WEE1: variants seen among roughly 807,000 people sequenced by gnomAD.
WEE1 encodes the protein WEE1 G2 checkpoint kinase, also known as wee1-like protein kinase.
A neutral mutation model predicts 68.8 loss-of-function variants in WEE1; 16 were observed. That is an observed-to-expected ratio of 0.23 (90% confidence interval 0.16 to 0.35). WEE1 has a LOEUF of 0.35. Ranked by LOEUF, WEE1 falls within the 10% of genes least tolerant of loss-of-function variation. The pLI is 1.00. For synonymous variants in WEE1, 349 were observed against 318.7 expected (o/e 1.09, Z -1.01); for missense variants, 651 against 824.1 (o/e 0.79, Z 2.57).
chr11:9,573,889 G>T lies in WEE1; in HGVS notation c.-45G>T, dbSNP rs1330611206. ...CCAGGCCCGCAGTGTCCTGGACCCC[G>T]CAGGCCTCCGCTCTCCTGTCCTCGG... On this transcript the variant is annotated 5_prime_UTR_variant, in exon 1 of 11. Coordinates refer to ENST00000450114, the MANE Select transcript of WEE1 (RefSeq NM_003390.4). The T allele has an allele frequency of 1.6e-6, 2 of 1,215,160 alleles. No homozygotes were observed. Among genetic ancestry groups the T allele is most frequent in the Non-Finnish European group, 1.0e-6 (1 of 975,506 alleles). The allele number at this position is 1,215,160 out of a possible 1,614,324, so 75.3% of individuals were successfully genotyped here.
chr11:9,574,612 C>T lies in WEE1; in HGVS notation c.576+103C>T, dbSNP rs1415218865. 2.3e-5 allele frequency: 26 copies of T among 1,122,356 alleles called. No homozygotes were observed. Among genetic ancestry groups the T allele is most frequent in the Non-Finnish European group, 2.5e-5 (23 of 918,972 alleles). 69.5% of individuals were successfully genotyped at this position (1,122,356 alleles called of 1,614,324 possible). A position where few individuals can be genotyped will look rare whatever the true frequency, so the allele number is the denominator to read the frequency against. On this transcript the variant is annotated intron_variant, in intron 1 of 10. Transcript: ENST00000450114. This position sits in a 1 kb window ranked among gnomAD's most constrained non-coding sequence, Gnocchi z 4.9. ...TACAGAAGCGGCCGGCCGCTCCCCC[C>T]TCGCTTTCCTGCGCCGCCCCCCAAA...
At chr11:9,583,053 C>T (rs1269983373) in intron 6 of WEE1, among the ~76,000 whole-genome samples, 1 of 152,032 alleles carries the variant, frequency 6.6e-6, no homozygotes, top group Admixed American at 6.6e-5. Flanking sequence ...CAGTGGCTGA[C>T]GCCTGTAATC....
rs1421847458 is a variant in WEE1 at position 9,574,203 on chromosome 11, G to A, written c.270G>A (p.Glu90=). ...CCCCCGGCAGCCCCGGCGAGCTGGA[G>A]GAGGACCTGTTGCTGCCCGGCGCCT... is the stretch of plus-strand genomic sequence containing the variant. ...GPAPGSPGEL[E]EDLLLPGACP... Residue 90 remains glutamate, a synonymous_variant, in exon 1 of 11, where the codon GAG becomes GAA. Transcript: ENST00000450114. The surrounding 1 kb of genome is among the most constrained non-coding windows in gnomAD (Gnocchi z 4.9). The A allele has an allele frequency of 8.5e-7, 1 of 1,179,586 alleles. No individual in the cohort carries two copies. The allele number at this position is 1,179,586 out of a possible 1,614,324, so 73.1% of individuals were successfully genotyped here.
intron 10 of WEE1, among the ~76,000 whole-genome samples, chr11:9,588,187 T>G (rs1245618205): frequency 6.6e-6 from 1 of 152,154 alleles, no homozygotes; most frequent in Non-Finnish European, 1.5e-5. Context: ...GCTCAAATTA[T>G]TTTATAAGAA....
chr11:9,586,415 T>C (rs1301831014), intron 8 of WEE1, 34 bp from the exon 9 acceptor site: 1 of 1,581,860 alleles, frequency 6.3e-7, no homozygotes, highest in Non-Finnish European at 8.6e-7. Context: ...TGACCATGTT[T>C]ACATTCCTTT....
intron 5 of WEE1, chr11:9,578,964 T>C (rs1849594819): frequency 6.6e-6 from 1 of 151,776 alleles, no homozygotes; most frequent in African/African-American, 2.4e-5. Flanking sequence ...TGGAGTGCAG[T>C]GGCGCAATCT....
chr11:9,583,357 G>A (rs1849650207), intron 6 of WEE1, among the ~76,000 whole-genome samples: 1 of 151,834 alleles, frequency 6.6e-6, no homozygotes, highest in African/African-American at 2.4e-5. Context: ...CCTCACGCCT[G>A]TAATCCCAGC....
Position 9,581,689 on chromosome 11 carries a change from C to A in WEE1, c.1288+11C>A. The A allele has an allele frequency of 6.2e-7, 1 of 1,605,626 alleles. No homozygotes were observed. The highest frequency in any genetic ancestry group is 1.1e-5 in the South Asian group (1 of 89,364). ...TGGATATAAAACCTAGTAAGTATTGCAGATCTTCTGACCTGTGTTCTTTGG... is the reference window on the plus strand; with the variant it reads ...TGGATATAAAACCTAGTAAGTATTGAAGATCTTCTGACCTGTGTTCTTTGG... On this transcript the variant is annotated intron_variant, in intron 6 of 10. Transcript: ENST00000450114.
Position 9,586,430 on chromosome 11 carries a change from A to G in WEE1, c.1471-19A>G. 1.9e-6 allele frequency: 3 copies of G among 1,596,936 alleles called. No homozygotes were observed. The highest frequency in any genetic ancestry group is 2.6e-6 in the Non-Finnish European group (3 of 1,171,244). On this transcript the variant is annotated intron_variant, in intron 8 of 10. Transcript: ENST00000450114. Reference sequence around the variant, plus strand: ...TGACCATGTTTACATTCCTTTAAAAAATTGTTTTAATTTTACAGAATTATA... The same window carrying G: ...TGACCATGTTTACATTCCTTTAAAAGATTGTTTTAATTTTACAGAATTATA...
At position 9,576,206 on chromosome 11, in the gene WEE1, A is replaced by T. The variant is rs776787182; in HGVS notation, c.783-24A>T. The T allele has an allele frequency of 4.5e-6, 7 of 1,554,908 alleles. No individual in the cohort carries two copies. In the South Asian group the frequency reaches 8.2e-5, roughly 18 times the overall value. On this transcript the variant is annotated intron_variant, in intron 2 of 10. Transcript: ENST00000450114. The surrounding 1 kb of genome is among the most constrained non-coding windows in gnomAD (Gnocchi z 4.3). ...ATGGATGTATCTGTCAGATATATTGATAGAAAAATAACATTTTTTTTAGTT... is the reference window on the plus strand; with the variant it reads ...ATGGATGTATCTGTCAGATATATTGTTAGAAAAATAACATTTTTTTTAGTT...
At position 9,573,898 on chromosome 11, in the gene WEE1, C is replaced by G; in HGVS notation, c.-36C>G. 1.6e-6 allele frequency: 2 copies of G among 1,228,508 alleles called. No individual in the cohort carries two copies. Among genetic ancestry groups the G allele is most frequent in the Non-Finnish European group, 1.0e-6 (1 of 984,924 alleles). The allele number at this position is 1,228,508 out of a possible 1,614,324, so 76.1% of individuals were successfully genotyped here. A position where few individuals can be genotyped will look rare whatever the true frequency, so the allele number is the denominator to read the frequency against. ...CAGTGTCCTGGACCCCGCAGGCCTC[C>G]GCTCTCCTGTCCTCGGCCCCGTCCC... On this transcript the variant is annotated 5_prime_UTR_variant, in exon 1 of 11. Coordinates refer to ENST00000450114, the MANE Select transcript of WEE1 (RefSeq NM_003390.4).
At position 9,574,249 on chromosome 11, in the gene WEE1, G is replaced by T; in HGVS notation, c.316G>T (p.Gly106Cys). ...CGCCTGCCCGGGCGCGGACGAGGCG[G>T]GCGGTGGGGCGGAGGGCGACTCGTG... ...PGACPGADEAGGGAEGDSWEE... is the reference protein window; with the variant it reads ...PGACPGADEACGGAEGDSWEE... Residue 106 changes from glycine to cysteine, a missense_variant, in exon 1 of 11, where the codon GGC (glycine) becomes TGC (cysteine). Physicochemically the swap from Gly to Cys is radical, Grantham distance 159. This residue lies in a region of WEE1 where 395 missense variants were observed against 378.4 expected (regional missense o/e 1.04). Transcript: ENST00000450114. This position sits in a 1 kb window ranked among gnomAD's most constrained non-coding sequence, Gnocchi z 4.9. 8.3e-7 allele frequency: 1 copy of T among 1,205,750 alleles called. No homozygotes were observed. The highest frequency in any genetic ancestry group is 3.6e-5 in the East Asian group (1 of 28,074). The allele number at this position is 1,205,750 out of a possible 1,614,324, so 74.7% of individuals were successfully genotyped here.
chr11:9,581,319 G>GA (rs1849625553), intron 5 of WEE1: 3 of 492,286 alleles, frequency 6.1e-6, no homozygotes, highest in Middle Eastern at 1.0e-3. Flanking sequence ...ATGATTGAGA[G>GA]AGAGACTTTA....
Position 9,574,540 on chromosome 11 carries a change from C to T in WEE1, c.576+31C>T. ...AGCGGCGGGCGCGGGCACCCGGCGG[C>T]CGGGGCCGCGGCGCCGGAGGGGCCA... On this transcript the variant is annotated intron_variant, in intron 1 of 10. Transcript: ENST00000450114. The surrounding 1 kb of genome is among the most constrained non-coding windows in gnomAD (Gnocchi z 4.9). The T allele has an allele frequency of 6.7e-6, 8 of 1,191,606 alleles. No individual in the cohort carries two copies. The highest frequency in any genetic ancestry group is 8.3e-6 in the Non-Finnish European group (8 of 967,474). The allele number at this position is 1,191,606 out of a possible 1,614,324, so 73.8% of individuals were successfully genotyped here. A position where few individuals can be genotyped will look rare whatever the true frequency, so the allele number is the denominator to read the frequency against.
rs1264237221 is a variant in WEE1, at chr11:9,589,485, T to G, written c.*883T>G. 1.0e-6 allele frequency: 1 copy of G among 985,294 alleles called. No homozygotes were observed. Among genetic ancestry groups the G allele is most frequent in the Admixed American group, 6.1e-5 (1 of 16,272 alleles). The allele number at this position is 985,294 out of a possible 1,614,324, so 61.0% of individuals were successfully genotyped here. A position where few individuals can be genotyped will look rare whatever the true frequency, so the allele number is the denominator to read the frequency against. ...TGTTTTTAAATGTTTTGCCCGGTTT[T>G]TCTCTTCAATATTTGTGTATATAAA... On this transcript the variant is annotated 3_prime_UTR_variant, in exon 11 of 11. Transcript: ENST00000450114.
In WEE1 at chr11:9,573,985, G is replaced by T; in HGVS notation, c.52G>T (p.Ala18Ser). Reference sequence around the variant, plus strand: ...GCCGCCACCCCGCCGCGCCGGGGCGGCCTGCACCTTGCGGCAGAAGCTGAT... The same window carrying T: ...GCCGCCACCCCGCCGCGCCGGGGCGTCCTGCACCTTGCGGCAGAAGCTGAT... ...QPPPPRRAGA[A>S]CTLRQKLIFS... Residue 18 changes from alanine to serine, a missense_variant, in exon 1 of 11, where the codon GCC becomes TCC. This residue lies in a region of WEE1 where 395 missense variants were observed against 378.4 expected (regional missense o/e 1.04). Coordinates refer to ENST00000450114, the MANE Select transcript of WEE1 (RefSeq NM_003390.4). 1 of 1,289,630 alleles carries T rather than the reference G, an allele frequency of 7.8e-7. No homozygotes were observed. The highest frequency in any genetic ancestry group is 9.8e-7 in the Non-Finnish European group (1 of 1,018,330). The allele number at this position is 1,289,630 out of a possible 1,614,324, so 79.9% of individuals were successfully genotyped here.
Position 9,573,792 on chromosome 11 carries a change from C to T in WEE1, c.-142C>T. On this transcript the variant is annotated 5_prime_UTR_variant, in exon 1 of 11. Transcript: ENST00000450114. ...GTCCGCAGCCCGAGCGCCCCGGAGC[C>T]GCAGGCCGCCGCCGCGCAGAGACGC... The T allele has an allele frequency of 1.6e-6, 1 of 638,236 alleles. No individual in the cohort carries two copies. Among genetic ancestry groups the T allele is most frequent in the Non-Finnish European group, 2.1e-6 (1 of 480,656 alleles). The allele number at this position is 638,236 out of a possible 1,614,324, so 39.5% of individuals were successfully genotyped here. A position where few individuals can be genotyped will look rare whatever the true frequency, so the allele number is the denominator to read the frequency against.
chr11:9,584,251 T>A (rs1417698269), intron 6 of WEE1, among the ~76,000 whole-genome samples: 1 of 152,142 alleles, frequency 6.6e-6, no homozygotes, highest in Non-Finnish European at 1.5e-5. Flanking sequence ...ACCTCCTGCC[T>A]CAGACTCACA....
At position 9,574,533 on chromosome 11, in the gene WEE1, C is replaced by T. The variant is rs1334312280; in HGVS notation, c.576+24C>T. Reference sequence around the variant, plus strand: ...AGGTGAGAGCGGCGGGCGCGGGCACCCGGCGGCCGGGGCCGCGGCGCCGGA... The same window carrying T: ...AGGTGAGAGCGGCGGGCGCGGGCACTCGGCGGCCGGGGCCGCGGCGCCGGA... On this transcript the variant is annotated intron_variant, in intron 1 of 10. Coordinates refer to ENST00000450114, the MANE Select transcript of WEE1 (RefSeq NM_003390.4). This position sits in a 1 kb window ranked among gnomAD's most constrained non-coding sequence, Gnocchi z 4.9. 4.2e-6 allele frequency: 5 copies of T among 1,194,038 alleles called. No homozygotes were observed. Among genetic ancestry groups the T allele is most frequent in the Admixed American group, 9.3e-5 (2 of 21,590 alleles). 74.0% of individuals were successfully genotyped at this position (1,194,038 alleles called of 1,614,324 possible). A position where few individuals can be genotyped will look rare whatever the true frequency, so the allele number is the denominator to read the frequency against.
Sources: allele counts gnomAD v4.1 joint callset (sites outside exome capture counted in the v4.1 genomes callset), GRCh38; gene constraint gnomAD v4.1.1; regional missense constraint gnomAD v4.1.1; non-coding constraint Gnocchi (gnomAD v3.1); transcripts MANE v1.5; gene names NCBI Gene and HGNC (gene_info 2026-07-23, HGNC 2026-07-21).